PRIM2: variants seen among roughly 807,000 people sequenced by gnomAD.
PRIM2 encodes the protein DNA primase large subunit.
A neutral mutation model predicts 67.3 loss-of-function variants in PRIM2; 39 were observed. The ratio of observed to expected loss-of-function variants is 0.58; its 90% CI spans 0.45 to 0.76. PRIM2 has a LOEUF of 0.76. PRIM2 is among the 30% of genes least tolerant of loss of function. The probability of loss-of-function intolerance (pLI) is 0.00; values close to 1 mark genes in which losing one functional copy is unlikely to be tolerated. For synonymous variants in PRIM2, 143 were observed against 198.7 expected (o/e 0.72, Z 2.36); for missense variants, 398 against 598.7 (o/e 0.66, Z 3.50).
chr6:57,474,153 T>TTTTTC (rs1372449157), intron 7 of PRIM2, among the ~76,000 whole-genome samples: 2 of 151,000 alleles, frequency 1.3e-5, no homozygotes, highest in African/African-American at 4.8e-5. Context: ...TGCTATCTAC[T>TTTTTC]TTTTCTGCAA....
At chr6:57,472,601 C>A (rs1773364188) in intron 7 of PRIM2, among the ~76,000 whole-genome samples, 1 of 151,956 alleles carries the variant, frequency 6.6e-6, no homozygotes, top group South Asian at 2.1e-4. Context: ...TTAAATTTTT[C>A]TTGATTTGTA....
the PRIM2 span, among the ~76,000 whole-genome samples, chr6:57,288,923 G>T: frequency 1.3e-5 from 2 of 152,186 alleles, no homozygotes; most frequent in East Asian, 3.8e-4. Context: ...CTCCTCGCCA[G>T]CAAGGGAACA....
At chr6:57,497,636 A>G (rs1554346499) in intron 7 of PRIM2, 19 of 152,286 alleles carry the variant, frequency 1.2e-4, no homozygotes, top group Admixed American at 9.8e-4. Context: ...GAATCTATGC[A>G]TTTTGCTTGA....
chr6:57,457,506 G>T (rs1395406926), intron 7 of PRIM2, among the ~76,000 whole-genome samples: 2 of 152,068 alleles, frequency 1.3e-5, no homozygotes, highest in African/African-American at 2.4e-5. Context: ...CCTTCCCTAG[G>T]CTCGCTGCTC....
chr6:57,230,517 A>C, the PRIM2 span, among the ~76,000 whole-genome samples: 1 of 152,144 alleles, frequency 6.6e-6, no homozygotes, highest in Non-Finnish European at 1.5e-5. Flanking sequence ...GTGCATATCT[A>C]GTGGGAGGGT....
intron 12 of PRIM2, among the ~76,000 whole-genome samples, chr6:57,614,912 T>G (rs1331631624): frequency 6.6e-6 from 1 of 152,114 alleles, no homozygotes; most frequent in Middle Eastern, 3.2e-3. Flanking sequence ...TTTCATTAAT[T>G]TCTTTTCAAA....
chr6:57,314,241 G>A (rs150354289), upstream of PRIM2, among the ~76,000 whole-genome samples: 186 of 152,268 alleles, frequency 1.2e-3, no homozygotes, highest in African/African-American at 4.1e-3. Flanking sequence ...TGGGCTGGGC[G>A]CAGTGGCTCA....
chr6:57,443,548 G>A (rs976151691), intron 7 of PRIM2, among the ~76,000 whole-genome samples: 25 of 152,110 alleles, frequency 1.6e-4, no homozygotes, highest in African/African-American at 5.8e-4. Flanking sequence ...CCATTTGCGT[G>A]TCTGCTCTTG....
intron 8 of PRIM2, among the ~76,000 whole-genome samples, chr6:57,524,530 C>T (rs1305115159): frequency 3.3e-5 from 5 of 152,092 alleles, no homozygotes; most frequent in Admixed American, 3.3e-4. Flanking sequence ...GGAGAAATCC[C>T]GTCTCTACTA....
chr6:57,511,908 A>AT (rs1266100560), intron 8 of PRIM2, among the ~76,000 whole-genome samples: 11 of 152,194 alleles, frequency 7.2e-5, no homozygotes, highest in Non-Finnish European at 1.2e-4. Context: ...TCAGGGAGAC[A>AT]TTTGCTAATC....
At chr6:57,505,016 T>G (rs2127458925) in intron 7 of PRIM2, among the ~76,000 whole-genome samples, 1 of 152,316 alleles carries the variant, frequency 6.6e-6, no homozygotes, top group East Asian at 1.9e-4. Context: ...CCAGTGGATG[T>G]AAGTAGTAAC....
intron 11 of PRIM2, 27 bp from the exon 12 acceptor site, chr6:57,606,348 G>A: frequency 1.3e-6 from 2 of 1,557,008 alleles, no homozygotes; most frequent in East Asian, 4.6e-5. Flanking sequence ...AACCTTGTTT[G>A]TGTGCTGGCT....
At chr6:57,632,531 A>G (rs1263503470) in intron 13 of PRIM2, among the ~76,000 whole-genome samples, 1 of 152,158 alleles carries the variant, frequency 6.6e-6, no homozygotes, top group African/African-American at 2.4e-5. Flanking sequence ...TGTAGGCTTC[A>G]TGGTCCATAT....
At chr6:57,498,302 C>T (rs2127456522) in intron 7 of PRIM2, among the ~76,000 whole-genome samples, 1 of 151,912 alleles carries the variant, frequency 6.6e-6, no homozygotes, top group South Asian at 2.1e-4. Flanking sequence ...TGAGTTGGCA[C>T]TCTTGGGAGT....
At chr6:57,433,765 T>C (rs1771910326) in intron 7 of PRIM2, among the ~76,000 whole-genome samples, 1 of 152,292 alleles carries the variant, frequency 6.6e-6, no homozygotes, top group South Asian at 2.1e-4. Context: ...TGGTTTACAG[T>C]GTGTAGCAAC....
At chr6:57,381,479 T>C (rs1769958242) in intron 6 of PRIM2, among the ~76,000 whole-genome samples, 1 of 151,228 alleles carries the variant, frequency 6.6e-6, no homozygotes, top group Non-Finnish European at 1.5e-5. Context: ...TAAAAATAAA[T>C]TCTTGGGGCA....
chr6:57,320,594 T>G, intron 3 of PRIM2, 34 bp downstream of exon 3: 4 of 1,353,472 alleles, frequency 3.0e-6, no homozygotes, highest in Non-Finnish European at 4.1e-6. Flanking sequence ...TTCCTTCAGT[T>G]TCTATGCATT....
At chr6:57,314,343 C>T (rs944766680), upstream of PRIM2, among the ~76,000 whole-genome samples, 5 of 152,074 alleles carry the variant, frequency 3.3e-5, no homozygotes, top group African/African-American at 7.2e-5. Flanking sequence ...GGTGAAACCC[C>T]GTCTCTACTA....
Position 57,320,531 on chromosome 6 carries a change from GAGCTTCGGA to G in PRIM2, c.234_242del (p.Arg79_Leu81del). On this transcript the variant is annotated inframe_deletion, in exon 3 of 14. Transcript: ENST00000615550. ...ACAATACCAGAGTAAGTTGGAGAGT[GAGCTTCGGA>G]AGCTCAAGTTTTCCTACAGAGTAAG... 2 of 1,608,756 alleles carry G rather than the reference GAGCTTCGGA, an allele frequency of 1.2e-6. No homozygotes were observed. Among genetic ancestry groups the G allele is most frequent in the Non-Finnish European group, 1.7e-6 (2 of 1,178,608 alleles).
Sources: gnomAD v4.1 joint callset for allele counts (sites outside exome capture counted in the v4.1 genomes callset) on GRCh38, gnomAD v4.1.1 for gene constraint, MANE v1.5 for transcripts, NCBI Gene and HGNC (gene_info 2026-07-23, HGNC 2026-07-21) for gene names.